The following PRKCZ variants were observed in gnomAD, a reference collection of about 807,000 sequenced individuals.
PRKCZ encodes protein kinase C zeta type.
PRKCZ carries 33 observed loss-of-function variants against 79.5 expected under a neutral mutation model. The ratio of observed to expected loss-of-function variants is 0.41; its 90% CI spans 0.31 to 0.55. The LOEUF is 0.55. Among genes scored for constraint, PRKCZ ranks in the 20% least tolerant of loss-of-function variants. PRKCZ has a pLI of 0.19. For synonymous variants in PRKCZ, 342 were observed against 320.9 expected, an observed-to-expected ratio of 1.07 and a Z score of -0.70; for missense variants, 578 against 813.5, an observed-to-expected ratio of 0.71 and a Z score of 3.52.
intron 3 of PRKCZ, 147 bp downstream of exon 3, chr1:2,056,720 T>C (rs1660196921): frequency 1.4e-6 from 1 of 696,334 alleles, no homozygotes. Flanking sequence ...TTTGGGTTTT[T>C]TTCTTTGACT....
rs1008429177 is a variant in PRKCZ at position 2,055,531 on chromosome 1, C to G, written c.162C>G (p.His54Gln). The change falls in exon 2 of 18, where the codon CAC becomes CAG. Residue 54 changes from histidine to glutamine, a missense_variant. This residue lies in a region of PRKCZ where 228 missense variants were observed against 211.6 expected (regional missense o/e 1.08). Coordinates refer to ENST00000378567, the MANE Select transcript of PRKCZ (RefSeq NM_002744.6). ...VRDMCRLHQQHPLTLKWVDSE... is the reference protein window; with the variant it reads ...VRDMCRLHQQQPLTLKWVDSE... ...ACATGTGTCGTCTGCACCAGCAGCA[C>G]CCGCTCACCCTCAAGTGGGTGGACA... is the stretch of plus-strand genomic sequence containing the variant. 2.5e-6 allele frequency: 4 copies of G among 1,614,114 alleles called. No individual in the cohort carries two copies. The highest frequency in any genetic ancestry group is 3.4e-6 in the Non-Finnish European group (4 of 1,179,996).
chr1:2,168,184 G>GTC lies in PRKCZ; in HGVS notation c.975-1330_975-1329dup, dbSNP rs951574019. On this transcript the variant is annotated intron_variant, in intron 10 of 17. Transcript: ENST00000378567. This position sits in a 1 kb window ranked among gnomAD's most constrained non-coding sequence, Gnocchi z 4.7. ...ACATTTTTGGCTTTGCGGCCACAGG[G>GTC]TCTCTGTTAGCAACTCCCTCTGCCA... Among the ~76,000 whole-genome samples the GTC allele has an allele frequency of 6.6e-6, 1 of 152,172 alleles. No individual in the cohort carries two copies. The highest frequency in any genetic ancestry group is 1.5e-5 in the Non-Finnish European group (1 of 68,026).
chr1:2,055,362 T>G, intron 1 of PRKCZ, 79 bp from the exon 2 acceptor site: 2 of 1,490,012 alleles, frequency 1.3e-6, no homozygotes, highest in Non-Finnish European at 1.8e-6. Context: ...AATCAATGAT[T>G]TGGTTAGTTG....
rs986727847 is a variant in PRKCZ, at chr1:2,174,426, A to T, written c.1406-328A>T. Among the ~76,000 whole-genome samples the T allele has an allele frequency of 6.6e-6, 1 of 152,080 alleles. No individual in the cohort carries two copies. Among genetic ancestry groups the T allele is most frequent in the Non-Finnish European group, 1.5e-5 (1 of 67,998 alleles). On this transcript the variant is annotated intron_variant, in intron 14 of 17. Coordinates refer to ENST00000378567, the MANE Select transcript of PRKCZ (RefSeq NM_002744.6). The surrounding 1 kb of genome is among the most constrained non-coding windows in gnomAD (Gnocchi z 6.2). Reference sequence around the variant, plus strand: ...TGGTCTGGAATTCAGTGCTGTGGGGATGTGGGATCTGGGAACGCGGCTGTC... The same window carrying T: ...TGGTCTGGAATTCAGTGCTGTGGGGTTGTGGGATCTGGGAACGCGGCTGTC...
rs552475234 is a variant in PRKCZ at position 2,161,732 on chromosome 1, G to A, written c.974+5640G>A. 4.6e-5 allele frequency among the ~76,000 whole-genome samples: 7 copies of A among 152,300 alleles called. No individual in the cohort carries two copies. The South Asian group carries it at 1.2e-3, about 27-fold the overall frequency. ...GAGATGATTTTGCTAGTAGTGAGCA[G>A]AGATGAGGTCATGGCATCTCCCCTT... On this transcript the variant is annotated intron_variant, in intron 10 of 17. Coordinates refer to ENST00000378567, the MANE Select transcript of PRKCZ (RefSeq NM_002744.6).
At chr1:2,080,002 G>A (rs1395412590) in intron 4 of PRKCZ, among the ~76,000 whole-genome samples, 1 of 152,192 alleles carries the variant, frequency 6.6e-6, no homozygotes, top group East Asian at 1.9e-4. Flanking sequence ...CTCACTGACT[G>A]GGACCCTGCA....
rs1389053287 is a variant in PRKCZ, at chr1:2,050,571, C to T, written c.-60C>T. 2.7e-6 allele frequency: 3 copies of T among 1,104,680 alleles called. No individual in the cohort carries two copies. Among genetic ancestry groups the T allele is most frequent in the East Asian group, 3.4e-5 (1 of 29,582 alleles). The allele number at this position is 1,104,680 out of a possible 1,614,324, so 68.4% of individuals were successfully genotyped here. The stretch of plus-strand genomic sequence containing the variant: ...GCCGCGGCCCCACCTGGAGCCCCCG[C>T]CCCGCGCCATGGCCGGAGCTCCCGG... On this transcript the variant is annotated 5_prime_UTR_variant, in exon 1 of 18. Coordinates refer to ENST00000378567, the MANE Select transcript of PRKCZ (RefSeq NM_002744.6).
At chr1:2,139,245 T>A (rs1376620318) in intron 5 of PRKCZ, among the ~76,000 whole-genome samples, 1 of 152,068 alleles carries the variant, frequency 6.6e-6, no homozygotes, top group Non-Finnish European at 1.5e-5. Flanking sequence ...CCTCCACAGG[T>A]GATCAGGGAA....
intron 4 of PRKCZ, among the ~76,000 whole-genome samples, chr1:2,120,171 ACAG>A (rs1376593385): frequency 9.2e-5 from 14 of 152,146 alleles, no homozygotes; most frequent in Admixed American, 9.2e-4. Context: ...TTTCATCACA[ACAG>A]CAGCCTTGTG....
chr1:2,112,403 C>T (rs1264411841), intron 4 of PRKCZ, among the ~76,000 whole-genome samples: 2 of 152,150 alleles, frequency 1.3e-5, no homozygotes, highest in Non-Finnish European at 2.9e-5. Context: ...TGAGGATGAA[C>T]GAGCCTCAGG....
intron 4 of PRKCZ, among the ~76,000 whole-genome samples, chr1:2,124,873 G>T (rs903221131): frequency 6.6e-6 from 1 of 152,064 alleles, no homozygotes; most frequent in Non-Finnish European, 1.5e-5. Flanking sequence ...CCTCCAACGC[G>T]GTTTTTACTT....
intron 10 of PRKCZ, chr1:2,156,778 T>C (rs906400654): frequency 4.6e-5 from 7 of 152,370 alleles, no homozygotes; most frequent in Non-Finnish European, 1.0e-4. Context: ...CCTCCAGCAA[T>C]GAATTGTGAC....
chr1:2,172,435 A>T lies in PRKCZ; in HGVS notation c.1285+47A>T. 1 of 1,571,866 alleles carries T rather than the reference A, an allele frequency of 6.4e-7. No individual in the cohort carries two copies. Among genetic ancestry groups the T allele is most frequent in the Non-Finnish European group, 8.7e-7 (1 of 1,155,974 alleles). The stretch of plus-strand genomic sequence containing the variant: ...CCTCTCGGAGCACACAGGGCCAGAG[A>T]TGGCTTCGGGCCTGGCCCAGCAGCC... On this transcript the variant is annotated intron_variant, in intron 13 of 17. Transcript: ENST00000378567. The surrounding 1 kb of genome is among the most constrained non-coding windows in gnomAD (Gnocchi z 7.8).
At chr1:2,118,449 T>G (rs1390083031) in intron 4 of PRKCZ, among the ~76,000 whole-genome samples, 1 of 151,684 alleles carries the variant, frequency 6.6e-6, no homozygotes, top group South Asian at 2.1e-4. Flanking sequence ...GCCATTCTCC[T>G]GCCTCAGCCT....
intron 9 of PRKCZ, among the ~76,000 whole-genome samples, chr1:2,151,539 C>T (rs776759638): frequency 3.9e-5 from 6 of 152,244 alleles, no homozygotes; most frequent in Admixed American, 6.5e-5. Context: ...TGCCCTGCTC[C>T]GTCCTGCACA....
intron 8 of PRKCZ, 51 bp downstream of exon 8, chr1:2,148,975 T>C (rs2103191392): frequency 1.9e-6 from 3 of 1,571,750 alleles, no homozygotes; most frequent in Middle Eastern, 1.7e-4. Context: ...CTGGAAAGTC[T>C]GTGAGCCTGT....
intron 4 of PRKCZ, among the ~76,000 whole-genome samples, chr1:2,078,113 C>T (rs879616307): frequency 6.6e-6 from 1 of 152,250 alleles, no homozygotes; most frequent in Non-Finnish European, 1.5e-5. Flanking sequence ...CACCTGGCCC[C>T]CCACACAACA....
chr1:2,061,218 T>C (rs768952441), intron 4 of PRKCZ, among the ~76,000 whole-genome samples: 3 of 152,196 alleles, frequency 2.0e-5, no homozygotes, highest in Non-Finnish European at 4.4e-5. Flanking sequence ...GTGTAGCCCC[T>C]GGGCGCGGGG....
At chr1:2,114,974 T>C (rs991169346) in intron 4 of PRKCZ, among the ~76,000 whole-genome samples, 1 of 152,270 alleles carries the variant, frequency 6.6e-6, no homozygotes, top group South Asian at 2.1e-4. Flanking sequence ...CACGAGTTTT[T>C]ACAAAGCAAA....
Sources: allele counts gnomAD v4.1 joint callset (sites outside exome capture counted in the v4.1 genomes callset), GRCh38; gene constraint gnomAD v4.1.1; regional missense constraint gnomAD v4.1.1; non-coding constraint Gnocchi (gnomAD v3.1); transcripts MANE v1.5; gene names NCBI Gene and HGNC (gene_info 2026-07-23, HGNC 2026-07-21).